The following NBPF11 variants were observed in gnomAD, a reference collection of about 807,000 sequenced individuals.
NBPF11 encodes the protein NBPF member 11.
In NBPF11, 72 loss-of-function variants were observed where a neutral mutation model predicts 93.9. That is an observed-to-expected ratio of 0.77 (90% CI 0.63 to 0.93). The LOEUF is 0.93. Ranked by LOEUF, NBPF11 falls within the 40% of genes least tolerant of loss-of-function variation. The pLI is 0.00. For missense variants in NBPF11, 705 were observed against 802.2 expected (o/e 0.88, Z 1.46); for synonymous variants, 224 against 304.9 (o/e 0.73, Z 2.76).
intron 23 of NBPF11, among the ~76,000 whole-genome samples, chr1:148,104,166 G>C (rs1378921776): frequency 1.4e-5 from 2 of 144,366 alleles, no homozygotes; most frequent in Non-Finnish European, 3.0e-5. Context: ...GTGAGCTAGT[G>C]AATTGGCCAG....
chr1:148,133,360 TAA>T (rs1402577184), intron 4 of NBPF11, among the ~76,000 whole-genome samples: 1 of 152,074 alleles, frequency 6.6e-6, no homozygotes, highest in Non-Finnish European at 1.5e-5. Context: ...AATGCTGAAT[TAA>T]AAGAGTAACA....
chr1:148,139,428 T>C (rs2149286235), intron 2 of NBPF11, among the ~76,000 whole-genome samples: 2 of 149,204 alleles, frequency 1.3e-5, no homozygotes, highest in Non-Finnish European at 3.0e-5. Flanking sequence ...ATGTTTATTC[T>C]ATTCAGACCC....
rs1673145900 is a variant in NBPF11 at position 148,146,632 on chromosome 1, C to T, written c.-548-2946G>A. ...GGAGCGTGCCGACTTCCAGTACAGC[C>T]AGCGCGAGCTGGACACCATCGAGGT... On this transcript the variant is annotated intron_variant, in intron 1 of 23. Coordinates refer to ENST00000682118, the MANE Select transcript of NBPF11 (RefSeq NM_001385469.3). 8.1e-6 allele frequency: 13 copies of T among 1,611,302 alleles called. No individual in the cohort carries two copies. In the South Asian group the frequency reaches 1.4e-4, roughly 18 times the overall value.
At chr1:148,127,549 A>G (rs1669378477) in intron 4 of NBPF11, among the ~76,000 whole-genome samples, 1 of 113,548 alleles carries the variant, frequency 8.8e-6, no homozygotes, top group African/African-American at 3.5e-5. Context: ...TCAAGGCAGA[A>G]ACAGTTTCCC....
intron 5 of NBPF11, among the ~76,000 whole-genome samples, chr1:148,125,419 C>G (rs1326144539): frequency 6.6e-6 from 1 of 151,970 alleles, no homozygotes; most frequent in Non-Finnish European, 1.5e-5. Context: ...TTCCCTTTTA[C>G]TGGGTATTTC....
At chr1:148,112,436 G>A (rs1665525484) in intron 15 of NBPF11, among the ~76,000 whole-genome samples, 1 of 137,496 alleles carries the variant, frequency 7.3e-6, no homozygotes, top group Non-Finnish European at 1.5e-5. Context: ...AGTTTGCTGA[G>A]AATGATGGTT....
intron 14 of NBPF11, among the ~76,000 whole-genome samples, chr1:148,115,535 CAG>C (rs1168444663): frequency 6.6e-6 from 1 of 151,654 alleles, no homozygotes; most frequent in East Asian, 1.9e-4. Context: ...GGAGGCCTGA[CAG>C]ATACTGCCTG....
intron 17 of NBPF11, among the ~76,000 whole-genome samples, 192 bp from the exon 18 acceptor site, chr1:148,108,846 C>CACAG (rs1476376181): frequency 2.1e-5 from 2 of 95,278 alleles, no homozygotes; most frequent in Non-Finnish European, 3.8e-5. Context: ...GAGAAAGACA[C>CACAG]ACACACACAC....
At chr1:148,149,898 A>G (rs1444511426) in intron 1 of NBPF11, among the ~76,000 whole-genome samples, 67 of 152,094 alleles carry the variant, frequency 4.4e-4, no homozygotes, top group Non-Finnish European at 7.6e-4. Flanking sequence ...CCGCATTGAT[A>G]TATTACTGCA....
intron 1 of NBPF11, among the ~76,000 whole-genome samples, chr1:148,151,488 C>T (rs1161624566): frequency 2.6e-5 from 4 of 152,084 alleles, no homozygotes; most frequent in Non-Finnish European, 5.9e-5. Context: ...CCCTCCACCC[C>T]CTGGGATGCC....
chr1:148,112,904 C>T (rs1188609234), intron 15 of NBPF11, among the ~76,000 whole-genome samples: 6 of 151,380 alleles, frequency 4.0e-5, no homozygotes, highest in African/African-American at 1.5e-4. Flanking sequence ...AAATCCTTTA[C>T]AGAGAAGCAA....
At chr1:148,126,458 T>G (rs1227727291) in intron 5 of NBPF11, among the ~76,000 whole-genome samples, 2 of 151,658 alleles carry the variant, frequency 1.3e-5, no homozygotes, top group African/African-American at 4.9e-5. Context: ...AACAGAAACT[T>G]GAACTGAATA....
intron 12 of NBPF11, among the ~76,000 whole-genome samples, chr1:148,116,789 GC>G (rs1319631679): frequency 3.3e-5 from 5 of 152,050 alleles, no homozygotes; most frequent in Non-Finnish European, 7.3e-5. Context: ...ATCACTGGAG[GC>G]TTGTGCAGCC....
intron 14 of NBPF11, among the ~76,000 whole-genome samples, chr1:148,115,202 A>T (rs1261408451): frequency 1.6e-5 from 2 of 127,146 alleles, no homozygotes; most frequent in East Asian, 4.2e-4. Flanking sequence ...AAAAAAAAAA[A>T]ATCTACGACG....
intron 2 of NBPF11, among the ~76,000 whole-genome samples, chr1:148,140,853 G>A (rs3992741): frequency 1.4e-4 from 21 of 151,366 alleles, no homozygotes; most frequent in Middle Eastern, 3.2e-3. Context: ...AATCCTGCAC[G>A]TAAGTACTTA....
In NBPF11 at chr1:148,129,049, A is replaced by G. The variant is rs1367739692; in HGVS notation, c.-35-2011T>C. Among the ~76,000 whole-genome samples the G allele has an allele frequency of 4.0e-5, 6 of 148,310 alleles. 1 individual carries two copies. The highest frequency in any genetic ancestry group is 1.5e-4 in the African/African-American group (6 of 39,288). Reference sequence around the variant, plus strand: ...GCATTAGGATATATACCTGGTGTAAATGACGAGTTAATGGGTGCAGCAAAC... The same window carrying G: ...GCATTAGGATATATACCTGGTGTAAGTGACGAGTTAATGGGTGCAGCAAAC... On this transcript the variant is annotated intron_variant, in intron 4 of 23. Coordinates refer to ENST00000682118, the MANE Select transcript of NBPF11 (RefSeq NM_001385469.3).
chr1:148,136,263 A>T (rs1671261971), intron 3 of NBPF11, among the ~76,000 whole-genome samples: 1 of 151,792 alleles, frequency 6.6e-6, no homozygotes, highest in African/African-American at 2.4e-5. Flanking sequence ...AGAAAATGAT[A>T]TATACAAGAA....
intron 1 of NBPF11, chr1:148,149,049 C>A: frequency 2.4e-6 from 2 of 832,838 alleles, no homozygotes; most frequent in Middle Eastern, 3.7e-4. Context: ...ACTGACTTGG[C>A]TGAGTGGGGA....
At chr1:148,136,873 A>G (rs1451907157) in intron 3 of NBPF11, among the ~76,000 whole-genome samples, 17 of 152,010 alleles carry the variant, frequency 1.1e-4, no homozygotes, top group Admixed American at 5.2e-4. Flanking sequence ...CCTGGTGTGG[A>G]TGTTTTAGAT....
Sources: gnomAD v4.1 joint callset for allele counts (sites outside exome capture counted in the v4.1 genomes callset) on GRCh38, gnomAD v4.1.1 for gene constraint, MANE v1.5 for transcripts, NCBI Gene and HGNC (gene_info 2026-07-23, HGNC 2026-07-21) for gene names.